Variants in RAB25 observed in about 807,000 individuals in gnomAD.
The protein encoded by RAB25 is RAB25, member RAS oncogene family, also known as ras-related protein Rab-25.
Under a neutral mutation model 25.2 loss-of-function variants are expected in RAB25, and 23 were observed. The ratio of observed to expected loss-of-function variants is 0.91; its 90% confidence interval spans 0.66 to 1.29. RAB25 has a LOEUF of 1.29. Ranked by LOEUF, RAB25 falls within the 50% of genes most tolerant of loss-of-function variation. RAB25 has a pLI of 0.00. For missense variants in RAB25, 244 were observed against 277.3 expected (o/e 0.88, Z 0.85); for synonymous variants, 102 against 111.5 (o/e 0.91, Z 0.54).
At position 156,068,414 on chromosome 1, in the gene RAB25, C is replaced by T. The variant is rs1209139409; in HGVS notation, c.384C>T (p.Asp128=). Residue 128 remains aspartate (D), a synonymous_variant, in exon 3 of 5, where the codon GAC becomes GAT. Transcript: ENST00000361084. ...TCATGCTCGTGGGTAACAAAAGTGA[C>T]CTCAGCCAGGCCCGGGAAGTGCCCA... is the stretch of plus-strand genomic sequence containing the variant. ...IVVMLVGNKS[D]LSQAREVPTE... The T allele has an allele frequency of 1.2e-6, 2 of 1,614,072 alleles. No homozygotes were observed. The highest frequency in any genetic ancestry group is 1.7e-6 in the Non-Finnish European group (2 of 1,180,018).
chr1:156,062,130 G>A (rs575130167), intron 1 of RAB25, among the ~76,000 whole-genome samples: 1 of 152,326 alleles, frequency 6.6e-6, no homozygotes, highest in South Asian at 2.1e-4. Flanking sequence ...GAGGAAGAAA[G>A]TCATCTTTTC....
Position 156,070,498 on chromosome 1 carries a change from A to G in RAB25, c.*211A>G. ...TAGGACCCTCAAATAAAGCTGTTTT[A>G]TATCAATGCCTGGTCATTCCACTGC... On this transcript the variant is annotated 3_prime_UTR_variant, in exon 5 of 5. Transcript: ENST00000361084. 1 of 613,160 alleles carries G rather than the reference A, an allele frequency of 1.6e-6. No homozygotes were observed. Among genetic ancestry groups the G allele is most frequent in the Non-Finnish European group, 2.8e-6 (1 of 360,872 alleles). 38.0% of individuals were successfully genotyped at this position (613,160 alleles called of 1,614,324 possible).
Position 156,068,461 on chromosome 1 carries a change from C to G in RAB25, c.431C>G (p.Ala144Gly). ...EVPTEEARMF[A>G]ENNGLLFLET... The stretch of plus-strand genomic sequence containing the variant: ...CCCACTGAGGAGGCCCGAATGTTCG[C>G]TGGTGAGAGCCTGCCACTACCCAGG... Residue 144 changes from alanine to glycine, a missense_variant and splice_region_variant, in exon 3 of 5, where the codon GCT (alanine) becomes GGT (glycine). By Grantham distance (60) the Ala-to-Gly change is moderately conservative. Transcript: ENST00000361084. The G allele has an allele frequency of 6.2e-7, 1 of 1,611,298 alleles. No homozygotes were observed. Among genetic ancestry groups the G allele is most frequent in the East Asian group, 2.2e-5 (1 of 44,804 alleles).
chr1:156,062,835 C>T (rs191621252), intron 1 of RAB25, among the ~76,000 whole-genome samples: 1 of 152,056 alleles, frequency 6.6e-6, no homozygotes, highest in Non-Finnish European at 1.5e-5. Flanking sequence ...GGCGGGATCA[C>T]TTAAGGTCTG....
chr1:156,061,537 T>A lies in RAB25; in HGVS notation c.43+94T>A. ...GGGCCCCCTCCTGTTTTTTTATCTC[T>A]TACCAAGACCTCCTGGGGCTCCTCA... On this transcript the variant is annotated intron_variant, in intron 1 of 4. Transcript: ENST00000361084. The A allele has an allele frequency of 3.0e-6, 4 of 1,316,190 alleles. No homozygotes were observed. The East Asian group carries it at 9.3e-5, about 31-fold the overall frequency. The allele number at this position is 1,316,190 out of a possible 1,614,324, so 81.5% of individuals were successfully genotyped here. A position where few individuals can be genotyped will look rare whatever the true frequency, so the allele number is the denominator to read the frequency against.
At chr1:156,061,927 A>G (rs1434734009) in intron 1 of RAB25, among the ~76,000 whole-genome samples, 1 of 152,056 alleles carries the variant, frequency 6.6e-6, no homozygotes, top group African/African-American at 2.4e-5. Flanking sequence ...TGGGACTACA[A>G]GCACCTGCCA....
chr1:156,068,236 C>T, intron 2 of RAB25, 34 bp from the exon 3 acceptor site: 1 of 1,557,218 alleles, frequency 6.4e-7, no homozygotes. Flanking sequence ...TGCCTCTGAT[C>T]GTATCTCTGT....
In RAB25 at chr1:156,070,461, C is replaced by G; in HGVS notation, c.*174C>G. The G allele has an allele frequency of 1.2e-6, 1 of 816,658 alleles. No individual in the cohort carries two copies. Among genetic ancestry groups the G allele is most frequent in the South Asian group, 1.8e-5 (1 of 54,568 alleles). The allele number at this position is 816,658 out of a possible 1,614,324, so 50.6% of individuals were successfully genotyped here. A position where few individuals can be genotyped will look rare whatever the true frequency, so the allele number is the denominator to read the frequency against. On this transcript the variant is annotated 3_prime_UTR_variant, in exon 5 of 5. Coordinates refer to ENST00000361084, the MANE Select transcript of RAB25 (RefSeq NM_020387.4). ...CACAAATACCTCTTTTATCTGTCCA[C>G]CCCTCACAGACTAGGACCCTCAAAT...
chr1:156,070,366 C>T lies in RAB25; in HGVS notation c.*79C>T, dbSNP rs1386895883. On this transcript the variant is annotated 3_prime_UTR_variant, in exon 5 of 5. Coordinates refer to ENST00000361084, the MANE Select transcript of RAB25 (RefSeq NM_020387.4). ...TTCAGCCCCAGGACCTTTCCTTGCCCTTTGGTTCCAGATATCAGACTGTTC... is the reference window on the plus strand; with the variant it reads ...TTCAGCCCCAGGACCTTTCCTTGCCTTTTGGTTCCAGATATCAGACTGTTC... 6.4e-7 allele frequency: 1 copy of T among 1,550,936 alleles called. No homozygotes were observed. Among genetic ancestry groups the T allele is most frequent in the Non-Finnish European group, 8.7e-7 (1 of 1,146,244 alleles).
rs189332525 is a variant in RAB25, at chr1:156,069,093, G to T, written c.434-578G>T. Among the ~76,000 whole-genome samples, 13 of 152,290 alleles carry T rather than the reference G, an allele frequency of 8.5e-5. No homozygotes were observed. In the East Asian group the frequency reaches 2.5e-3, roughly 29 times the overall value. ...AGTTTAGAGGCAGCACAATATGGTGGTTAAGGGTGTTCTGGAGTCCCATGG... is the reference window on the plus strand; with the variant it reads ...AGTTTAGAGGCAGCACAATATGGTGTTTAAGGGTGTTCTGGAGTCCCATGG... On this transcript the variant is annotated intron_variant, in intron 3 of 4. Coordinates refer to ENST00000361084, the MANE Select transcript of RAB25 (RefSeq NM_020387.4).
intron 2 of RAB25, 73 bp downstream of exon 2, chr1:156,066,179 G>A: frequency 7.3e-7 from 1 of 1,364,610 alleles, no homozygotes; most frequent in Non-Finnish European, 9.7e-7. Context: ...TGGAGGAGAA[G>A]TGGGGGAGGA....
intron 4 of RAB25, 52 bp from the exon 5 acceptor site, chr1:156,070,108 G>A: frequency 6.2e-7 from 1 of 1,613,846 alleles, no homozygotes; most frequent in Non-Finnish European, 8.5e-7. Flanking sequence ...TGGGGAGAAG[G>A]GAGCATGGGC....
chr1:156,063,748 G>A (rs1021215793), intron 1 of RAB25, among the ~76,000 whole-genome samples: 5 of 152,238 alleles, frequency 3.3e-5, no homozygotes. Context: ...GATCTGGCCA[G>A]CACATCTCTG....
At chr1:156,066,888 C>T (rs1045726762) in intron 2 of RAB25, among the ~76,000 whole-genome samples, 3 of 151,798 alleles carry the variant, frequency 2.0e-5, no homozygotes, top group Non-Finnish European at 4.4e-5. Flanking sequence ...TGCAGTGAGC[C>T]GAAATCGCCC....
At chr1:156,068,081 G>A in intron 2 of RAB25, 189 bp from the exon 3 acceptor site, 1 of 538,702 alleles carries the variant, frequency 1.9e-6, no homozygotes, top group Non-Finnish European at 3.3e-6. Context: ...CAGGCTCCAA[G>A]ACTAGTGTCC....
rs770815864 is a variant in RAB25 at position 156,068,396 on chromosome 1, C to T, written c.366C>T (p.Leu122=). 9.9e-6 allele frequency: 16 copies of T among 1,613,954 alleles called. No individual in the cohort carries two copies. Among genetic ancestry groups the T allele is most frequent in the Middle Eastern group, 1.6e-4 (1 of 6,072 alleles). ...DHAEATIVVM[L]VGNKSDLSQA... ...CTGAAGCCACGATCGTCGTCATGCTCGTGGGTAACAAAAGTGACCTCAGCC... is the reference window on the plus strand; with the variant it reads ...CTGAAGCCACGATCGTCGTCATGCTTGTGGGTAACAAAAGTGACCTCAGCC... The change falls in exon 3 of 5, where the codon CTC becomes CTT. Residue 122 remains leucine, a synonymous_variant. Transcript: ENST00000361084.
chr1:156,063,197 G>A (rs1340842027), intron 1 of RAB25, among the ~76,000 whole-genome samples: 1 of 151,730 alleles, frequency 6.6e-6, no homozygotes, highest in Non-Finnish European at 1.5e-5. Context: ...GTGCAGTGGA[G>A]CGATCTTGGC....
At chr1:156,061,551 TG>T in intron 1 of RAB25, 108 bp downstream of exon 1, 1 of 1,168,990 alleles carries the variant, frequency 8.6e-7, no homozygotes. Flanking sequence ...CAAGACCTCC[TG>T]GGGCTCCTCA....
intron 2 of RAB25, among the ~76,000 whole-genome samples, chr1:156,067,702 G>A (rs1647781514): frequency 6.6e-6 from 1 of 152,230 alleles, no homozygotes; most frequent in Non-Finnish European, 1.5e-5. Context: ...TAGAGGGGCT[G>A]GCTGTGAGGA....
Sources: gnomAD v4.1 joint callset for allele counts (sites outside exome capture counted in the v4.1 genomes callset) on GRCh38, gnomAD v4.1.1 for gene constraint, MANE v1.5 for transcripts, NCBI Gene and HGNC (gene_info 2026-07-23, HGNC 2026-07-21) for gene names.